TAB1: variants seen among roughly 807,000 people sequenced by gnomAD.
TAB1 encodes the protein TGF-beta activated kinase 1 (MAP3K7) binding protein 1.
A neutral mutation model predicts 54.5 loss-of-function variants in TAB1; 30 were observed. That is an observed-to-expected ratio of 0.55 (90% CI 0.41 to 0.75). The LOEUF (loss-of-function observed/expected upper bound fraction) is 0.75. TAB1 is among the 30% of genes least tolerant of loss of function. The pLI is 0.00. For missense variants in TAB1, 609 were observed against 683.2 expected (o/e 0.89, Z 1.21); for synonymous variants, 289 against 286.9 (o/e 1.01, Z -0.07).
downstream of TAB1, among the ~76,000 whole-genome samples, chr22:39,434,978 T>G (rs1478990298): frequency 6.6e-6 from 1 of 152,098 alleles, no homozygotes; most frequent in Non-Finnish European, 1.5e-5. Flanking sequence ...CCCCCAGCCC[T>G]GGATGCTCCT....
At chr22:39,417,681 C>T (rs374422351) in intron 4 of TAB1, 30 bp from the exon 5 acceptor site, 2 of 1,579,368 alleles carry the variant, frequency 1.3e-6, no homozygotes, top group Non-Finnish European at 1.7e-6. Context: ...AGAGTTCTGT[C>T]CTGCCCTGAC....
chr22:39,426,796 A>G lies in TAB1; in HGVS notation c.1015A>G (p.Ser339Gly). The change falls in exon 9 of 11, where the codon AGC (serine) becomes GGC (glycine). Residue 339 changes from serine (S) to glycine (G), a missense_variant. Ser to Gly is a moderately conservative substitution (Grantham distance 56). Transcript: ENST00000216160. ...AVVDRVKRIH[S>G]DTFASGGERA... Reference sequence around the variant, plus strand: ...CGTGGACCGGGTGAAGCGCATCCACAGCGACACCTTCGCCAGTGGTGGGGA... The same window carrying G: ...CGTGGACCGGGTGAAGCGCATCCACGGCGACACCTTCGCCAGTGGTGGGGA... 1.2e-6 allele frequency: 2 copies of G among 1,614,078 alleles called. No homozygotes were observed. Among genetic ancestry groups the G allele is most frequent in the Non-Finnish European group, 1.7e-6 (2 of 1,180,038 alleles).
chr22:39,414,847 G>T lies in TAB1; in HGVS notation c.34-159G>T, dbSNP rs541380894. 4.2e-6 allele frequency: 3 copies of T among 721,162 alleles called. No homozygotes were observed. In the East Asian group the frequency reaches 8.7e-5, roughly 21 times the overall value. 44.7% of individuals were successfully genotyped at this position (721,162 alleles called of 1,614,324 possible). On this transcript the variant is annotated intron_variant, in intron 1 of 10. Coordinates refer to ENST00000216160, the MANE Select transcript of TAB1 (RefSeq NM_006116.3). ...ATAAAAACAGCAAACCCTTCTGCAG[G>T]TGTCTGTTCATACAAACATTATTGT... is the stretch of plus-strand genomic sequence containing the variant.
chr22:39,427,968 C>G, intron 9 of TAB1, 53 bp from the exon 10 acceptor site: 1 of 1,514,158 alleles, frequency 6.6e-7, no homozygotes, highest in Non-Finnish European at 9.0e-7. Flanking sequence ...CCCCTGCTAC[C>G]CTGGGTTTCT....
intron 10 of TAB1, chr22:39,429,680 C>A (rs936183971): frequency 2.9e-6 from 1 of 350,444 alleles, no homozygotes; most frequent in Non-Finnish European, 4.0e-6. Flanking sequence ...TGGGGTTTCA[C>A]CGTGTTGGCC....
At chr22:39,408,833 G>C (rs1308411445) in intron 1 of TAB1, among the ~76,000 whole-genome samples, 4 of 152,164 alleles carry the variant, frequency 2.6e-5, no homozygotes, top group African/African-American at 4.8e-5. Flanking sequence ...TATGTCTAAT[G>C]TGGAACAGAC....
At chr22:39,422,505 T>A (rs1269603995) in intron 8 of TAB1, among the ~76,000 whole-genome samples, 1 of 144,960 alleles carries the variant, frequency 6.9e-6, no homozygotes, top group African/African-American at 2.6e-5. Flanking sequence ...GCCTCCCGGG[T>A]TCAAGCAGTT....
intron 1 of TAB1, among the ~76,000 whole-genome samples, chr22:39,405,655 T>C (rs904943452): frequency 6.6e-6 from 1 of 152,234 alleles, no homozygotes; most frequent in African/African-American, 2.4e-5. Flanking sequence ...AGAAAGTACA[T>C]GACCTTTCTG....
intron 1 of TAB1, among the ~76,000 whole-genome samples, chr22:39,405,237 T>C (rs376304905): frequency 6.6e-6 from 1 of 152,228 alleles, no homozygotes; most frequent in Admixed American, 6.5e-5. Context: ...AATGCTTACA[T>C]CATGCACAGG....
chr22:39,427,958 C>G, intron 9 of TAB1, 63 bp from the exon 10 acceptor site: 1 of 1,443,038 alleles, frequency 6.9e-7, no homozygotes, highest in Non-Finnish European at 9.5e-7. Flanking sequence ...AGCAGCTATG[C>G]CCCTGCTACC....
At position 39,403,237 on chromosome 22, in the gene TAB1, G is replaced by C. The variant is rs577558324; in HGVS notation, c.33+3402G>C. ...CACCGAACAGATACAGATCATCTGT[G>C]ATTTTGTAATATCCAAACTACAGCA... On this transcript the variant is annotated intron_variant, in intron 1 of 10. Coordinates refer to ENST00000216160, the MANE Select transcript of TAB1 (RefSeq NM_006116.3). Among the ~76,000 whole-genome samples the C allele has an allele frequency of 3.3e-5, 5 of 152,366 alleles. No individual in the cohort carries two copies. In the East Asian group the frequency reaches 7.7e-4, roughly 23 times the overall value.
chr22:39,414,959 C>T, intron 1 of TAB1, 47 bp from the exon 2 acceptor site: 1 of 1,611,144 alleles, frequency 6.2e-7, no homozygotes, highest in South Asian at 1.1e-5. Flanking sequence ...TGGGGACTAC[C>T]CTGCAGACGC....
downstream of TAB1, among the ~76,000 whole-genome samples, chr22:39,435,494 C>T (rs892141590): frequency 6.6e-6 from 1 of 152,180 alleles, no homozygotes; most frequent in African/African-American, 2.4e-5. Flanking sequence ...TCTGAAGGTT[C>T]GCTGGGTCCT....
At chr22:39,425,703 C>T (rs778252017) in intron 8 of TAB1, among the ~76,000 whole-genome samples, 127 of 151,564 alleles carry the variant, frequency 8.4e-4, no homozygotes, top group Admixed American at 2.8e-3. Flanking sequence ...CCCGCCACCA[C>T]GCCCGGCTAA....
chr22:39,426,047 C>T (rs543615036), intron 8 of TAB1, among the ~76,000 whole-genome samples: 14 of 151,710 alleles, frequency 9.2e-5, no homozygotes, highest in Middle Eastern at 3.4e-3. Flanking sequence ...TAAGTAGAGA[C>T]GGGGTTTCAA....
chr22:39,402,222 G>A (rs1037947462), intron 1 of TAB1, among the ~76,000 whole-genome samples: 1 of 152,178 alleles, frequency 6.6e-6, no homozygotes, highest in African/African-American at 2.4e-5. Flanking sequence ...TCGCCATGTT[G>A]CCCAGGCTGG....
Position 39,415,364 on chromosome 22 carries a change from T to G in TAB1, c.171-136T>G, listed in dbSNP as rs1469027180. ...GTCATAGCCAGAGTGAAATGATGGC[T>G]AAAGCAGGGGGACCCAGGAGGGCCC... On this transcript the variant is annotated intron_variant, in intron 2 of 10. Coordinates refer to ENST00000216160, the MANE Select transcript of TAB1 (RefSeq NM_006116.3). This position sits in a 1 kb window ranked among gnomAD's most constrained non-coding sequence, Gnocchi z 4.9. 8.5e-7 allele frequency: 1 copy of G among 1,171,166 alleles called. No individual in the cohort carries two copies. The highest frequency in any genetic ancestry group is 1.2e-6 in the Non-Finnish European group (1 of 829,130). 72.5% of individuals were successfully genotyped at this position (1,171,166 alleles called of 1,614,324 possible).
At chr22:39,434,895 G>A (rs1927727561), downstream of TAB1, among the ~76,000 whole-genome samples, 1 of 152,228 alleles carries the variant, frequency 6.6e-6, no homozygotes, top group East Asian at 1.9e-4. Context: ...GGTACAGACA[G>A]TGCTGACATC....
At chr22:39,427,698 A>C (rs1927411743) in intron 9 of TAB1, among the ~76,000 whole-genome samples, 1 of 152,222 alleles carries the variant, frequency 6.6e-6, no homozygotes, top group South Asian at 2.1e-4. Context: ...GTCAGCCTCA[A>C]CTGGGAGCAA....
Sources: gnomAD v4.1 joint callset for allele counts (sites outside exome capture counted in the v4.1 genomes callset) on GRCh38, gnomAD v4.1.1 for gene constraint, Gnocchi (gnomAD v3.1) non-coding constraint, MANE v1.5 for transcripts, NCBI Gene and HGNC (gene_info 2026-07-23, HGNC 2026-07-21) for gene names.